ST3GAL2: variants seen among roughly 807,000 people sequenced by gnomAD.
The protein encoded by ST3GAL2 is CMP-N-acetylneuraminate-beta-galactosamide-alpha-2,3-sialyltransferase 2.
A neutral mutation model predicts 37.5 loss-of-function variants in ST3GAL2; 16 were observed. That is an observed-to-expected ratio of 0.43 (90% confidence interval 0.29 to 0.65). The LOEUF is 0.65. ST3GAL2 is among the 30% of genes least tolerant of loss of function. ST3GAL2 has a pLI of 0.17. For missense variants in ST3GAL2, 383 were observed against 487.8 expected (o/e 0.79, Z 2.02); for synonymous variants, 238 against 202.9 (o/e 1.17, Z -1.47).
intron 6 of ST3GAL2, among the ~76,000 whole-genome samples, chr16:70,382,184 G>A (rs1023551168): frequency 2.6e-5 from 4 of 151,800 alleles, no homozygotes; most frequent in Admixed American, 1.3e-4. Flanking sequence ...GAACGACTGA[G>A]TTCCATTTTT....
chr16:70,425,164 T>TA (rs199849970), intron 1 of ST3GAL2, among the ~76,000 whole-genome samples: 4,685 of 150,310 alleles, frequency 0.031, 108 homozygotes, highest in Middle Eastern at 0.1. Context: ...CTGGGCAACA[T>TA]AAAAAAAAAG....
chr16:70,419,569 G>A (rs928286376), intron 1 of ST3GAL2, among the ~76,000 whole-genome samples: 10 of 152,200 alleles, frequency 6.6e-5, no homozygotes, highest in African/African-American at 2.4e-4. Context: ...TCAGCCCAAA[G>A]CTCCAACACA....
chr16:70,397,603 A>G (rs62049024), intron 2 of ST3GAL2, among the ~76,000 whole-genome samples: 4,330 of 151,984 alleles, frequency 0.028, 103 homozygotes, highest in Non-Finnish European at 0.045. Flanking sequence ...GTGCATGCCT[A>G]TAATTCCAGC....
At chr16:70,417,741 A>C (rs1402240812) in intron 1 of ST3GAL2, among the ~76,000 whole-genome samples, 4 of 150,628 alleles carry the variant, frequency 2.7e-5, no homozygotes, top group African/African-American at 9.7e-5. Context: ...GGAAGTGGGA[A>C]GTGGGATGAA....
chr16:70,381,648 T>A lies in ST3GAL2; in HGVS notation c.*41A>T, dbSNP rs759823328. ...CCTGGGTCCCGGGCCGGAGCCCCGG[T>A]GCCCGATAGATGGGCCGGAAGGGTC... On this transcript the variant is annotated 3_prime_UTR_variant, in exon 7 of 7. Coordinates refer to ENST00000342907, the MANE Select transcript of ST3GAL2 (RefSeq NM_006927.4). 1 of 1,601,932 alleles carries A rather than the reference T, an allele frequency of 6.2e-7. No homozygotes were observed. Among genetic ancestry groups the A allele is most frequent in the Non-Finnish European group, 8.5e-7 (1 of 1,173,970 alleles).
At chr16:70,395,293 TC>T in intron 2 of ST3GAL2, 118 bp from the exon 3 acceptor site, 1 of 945,034 alleles carries the variant, frequency 1.1e-6, no homozygotes, top group Non-Finnish European at 1.6e-6. Flanking sequence ...GGCCTCTTTA[TC>T]CAGGGCTCTG....
intron 1 of ST3GAL2, among the ~76,000 whole-genome samples, chr16:70,419,300 C>T (rs1486997172): frequency 1.3e-5 from 2 of 152,224 alleles, no homozygotes; most frequent in African/African-American, 2.4e-5. Flanking sequence ...AGTTGAAGGA[C>T]TGGACTTAAA....
intron 1 of ST3GAL2, among the ~76,000 whole-genome samples, chr16:70,429,332 G>A (rs970101536): frequency 6.6e-6 from 1 of 152,100 alleles, no homozygotes; most frequent in Admixed American, 6.6e-5. Context: ...GGTGGCTCAA[G>A]CCTGTAATCC....
At chr16:70,386,779 G>C (rs999307626) in intron 4 of ST3GAL2, among the ~76,000 whole-genome samples, 2 of 152,010 alleles carry the variant, frequency 1.3e-5, no homozygotes, top group African/African-American at 4.8e-5. Context: ...CTGAGTAGCT[G>C]AGATTACAGG....
chr16:70,406,086 T>C (rs1344331901), intron 1 of ST3GAL2, among the ~76,000 whole-genome samples: 1 of 146,644 alleles, frequency 6.8e-6, no homozygotes, highest in East Asian at 2.0e-4. Flanking sequence ...CACTGACTTG[T>C]ATGTTTCAAA....
intron 2 of ST3GAL2, among the ~76,000 whole-genome samples, chr16:70,396,502 G>GCTACT (rs1250427267): frequency 6.6e-6 from 1 of 152,114 alleles, no homozygotes; most frequent in Admixed American, 6.6e-5. Flanking sequence ...CTACTCTGAA[G>GCTACT]CTGAGGTGGG....
At chr16:70,406,312 G>A (rs2151667542) in intron 1 of ST3GAL2, among the ~76,000 whole-genome samples, 1 of 151,902 alleles carries the variant, frequency 6.6e-6, no homozygotes, top group East Asian at 1.9e-4. Flanking sequence ...GTGGGTGGTG[G>A]CAGGGCCAAC....
chr16:70,413,624 T>C (rs1049579970), intron 1 of ST3GAL2, among the ~76,000 whole-genome samples: 1 of 142,594 alleles, frequency 7.0e-6, no homozygotes, highest in Non-Finnish European at 1.5e-5. Context: ...TGATCCCAGC[T>C]ACTCCGGAGG....
intron 2 of ST3GAL2, 86 bp downstream of exon 2, chr16:70,398,106 G>A: frequency 7.0e-7 from 1 of 1,424,314 alleles, no homozygotes; most frequent in East Asian, 2.3e-5. Flanking sequence ...TTTTGTCAAG[G>A]CTCTGGGGGC....
chr16:70,419,921 C>G (rs1334303068), intron 1 of ST3GAL2, among the ~76,000 whole-genome samples: 2 of 151,806 alleles, frequency 1.3e-5, no homozygotes, highest in Non-Finnish European at 2.9e-5. Context: ...GTCCAGGCTG[C>G]AGGTATGGAG....
chr16:70,388,673 T>G, intron 3 of ST3GAL2, 127 bp from the exon 4 acceptor site: 4 of 1,041,830 alleles, frequency 3.8e-6, no homozygotes, highest in Non-Finnish European at 5.5e-6. Flanking sequence ...GCAATTCCAT[T>G]GCTAGAAATC....
intron 1 of ST3GAL2, among the ~76,000 whole-genome samples, chr16:70,433,184 C>T (rs1013809342): frequency 2.6e-5 from 4 of 152,238 alleles, no homozygotes; most frequent in African/African-American, 9.6e-5. Flanking sequence ...GCTCTGAAGA[C>T]AGCTACTTTT....
chr16:70,429,430 A>T (rs570205656), intron 1 of ST3GAL2, among the ~76,000 whole-genome samples: 11 of 152,006 alleles, frequency 7.2e-5, no homozygotes, highest in African/African-American at 2.7e-4. Flanking sequence ...CGTCTCTACT[A>T]AAAATACAAA....
intron 1 of ST3GAL2, among the ~76,000 whole-genome samples, chr16:70,420,866 G>C (rs1451544025): frequency 6.6e-6 from 1 of 152,226 alleles, no homozygotes; most frequent in Non-Finnish European, 1.5e-5. Flanking sequence ...CAGAGTGAAG[G>C]TATAGAAATG....
Sources: allele counts gnomAD v4.1 joint callset (sites outside exome capture counted in the v4.1 genomes callset), GRCh38; gene constraint gnomAD v4.1.1; transcripts MANE v1.5; gene names NCBI Gene and HGNC (gene_info 2026-07-23, HGNC 2026-07-21).